The following THOC5 variants were observed in gnomAD, a reference collection of about 807,000 sequenced individuals.
THOC5 encodes the protein Fms-interacting protein.
A neutral mutation model predicts 92.9 loss-of-function variants in THOC5; 43 were observed. The observed-to-expected ratio is 0.46, with a 90% confidence interval of 0.36 to 0.60. The LOEUF is 0.60. THOC5 is among the 20% of genes least tolerant of loss of function. The pLI, the probability that THOC5 is intolerant of heterozygous loss-of-function variation, is 0.00. For missense variants in THOC5, 659 were observed against 849.4 expected, an observed-to-expected ratio of 0.78 and a Z score of 2.79; for synonymous variants, 296 against 320.1, an observed-to-expected ratio of 0.92 and a Z score of 0.80.
At position 29,512,118 on chromosome 22, in the gene THOC5, A is replaced by C; in HGVS notation, c.1700T>G (p.Val567Gly). 1 of 1,614,136 alleles carries C rather than the reference A, an allele frequency of 6.2e-7. No individual in the cohort carries two copies. Among genetic ancestry groups the C allele is most frequent in the Non-Finnish European group, 8.5e-7 (1 of 1,179,972 alleles). The change falls in exon 18 of 20, where the codon GTG becomes GGG. Residue 567 changes from valine (V) to glycine (G), a missense_variant. By Grantham distance (109) the Val-to-Gly change is moderately radical. Coordinates refer to ENST00000490103, the MANE Select transcript of THOC5 (RefSeq NM_003678.5). The part of the protein sequence containing the change: ...ERGTAKLQAA[V>G]VLNPGYSSIP... ...GGAGGAGTAGCCAGGGTTCAACACC[A>C]CAGCGGCCTGCAGTTTGGCTGGGAA...
chr22:29,535,581 T>C (rs989882233), intron 7 of THOC5, among the ~76,000 whole-genome samples: 2 of 152,214 alleles, frequency 1.3e-5, no homozygotes, highest in African/African-American at 2.4e-5. Flanking sequence ...AGTTATTCTG[T>C]CAGTGGTTCA....
chr22:29,520,714 T>C (rs531628422), intron 13 of THOC5, among the ~76,000 whole-genome samples: 1 of 152,358 alleles, frequency 6.6e-6, no homozygotes, highest in African/African-American at 2.4e-5. Context: ...CAGGCTGGTA[T>C]CGAACTCCTG....
chr22:29,532,104 A>C, intron 7 of THOC5, 141 bp from the exon 8 acceptor site: 27 of 998,652 alleles, frequency 2.7e-5, no homozygotes, highest in South Asian at 3.7e-5. Context: ...ATAAAAGCTC[A>C]ACGTAAACAA....
intron 18 of THOC5, chr22:29,511,516 T>C (rs1366501877): frequency 5.5e-6 from 3 of 540,656 alleles, no homozygotes; most frequent in Admixed American, 3.2e-5. Flanking sequence ...CCCTGCCTCA[T>C]ATGCCCACAG....
At chr22:29,549,027 G>A in intron 2 of THOC5, 25 bp downstream of exon 2, 4 of 1,610,272 alleles carry the variant, frequency 2.5e-6, no homozygotes, top group South Asian at 1.1e-5. Flanking sequence ...TTTCTCAGCA[G>A]CATGGCAACC....
intron 5 of THOC5, among the ~76,000 whole-genome samples, chr22:29,541,171 C>T (rs1370101649): frequency 1.3e-5 from 2 of 149,176 alleles, no homozygotes; most frequent in South Asian, 2.1e-4. Context: ...GGCAACAGAG[C>T]GAGACTTTAT....
At chr22:29,544,267 C>T (rs962113938) in intron 3 of THOC5, among the ~76,000 whole-genome samples, 193 bp downstream of exon 3, 2 of 152,166 alleles carry the variant, frequency 1.3e-5, no homozygotes, top group African/African-American at 4.8e-5. Flanking sequence ...CCTGTACTTT[C>T]ATTCCTGTAA....
chr22:29,539,614 G>A (rs573238707), intron 5 of THOC5, 138 bp from the exon 6 acceptor site: 14 of 887,414 alleles, frequency 1.6e-5, no homozygotes, highest in African/African-American at 5.0e-5. Flanking sequence ...CTCCACAAAT[G>A]CTCATTAGCA....
intron 19 of THOC5, among the ~76,000 whole-genome samples, chr22:29,510,524 A>G (rs111330383): frequency 6.6e-6 from 1 of 152,178 alleles, no homozygotes; most frequent in African/African-American, 2.4e-5. Flanking sequence ...TTTGAGCTCC[A>G]GAGGTCAAGA....
chr22:29,515,836 ATAAGT>A (rs1158499637), intron 17 of THOC5, among the ~76,000 whole-genome samples: 1 of 151,770 alleles, frequency 6.6e-6, no homozygotes, highest in African/African-American at 2.4e-5. Context: ...GTCTCAAAAA[ATAAGT>A]TAAATTAAAT....
At chr22:29,542,478 C>A (rs2063917422) in intron 5 of THOC5, among the ~76,000 whole-genome samples, 1 of 152,076 alleles carries the variant, frequency 6.6e-6, no homozygotes, top group Admixed American at 6.6e-5. Flanking sequence ...TAAAGAGAGA[C>A]TTAGGCTGGG....
At chr22:29,509,525 T>C (rs905348899) in intron 19 of THOC5, among the ~76,000 whole-genome samples, 6 of 152,088 alleles carry the variant, frequency 3.9e-5, no homozygotes, top group Non-Finnish European at 7.4e-5. Flanking sequence ...TATTATGAGA[T>C]AACATAATGA....
chr22:29,505,966 TCTC>T lies in THOC5; in HGVS notation c.*2488_*2490del, dbSNP rs1425334820. Reference sequence around the variant, plus strand: ...CCTCCGCCTCGGGGATTCAAGCAATTCTCCTGCCTCAGCCTCCCGAGTGGCTGG... The same window carrying T: ...CCTCCGCCTCGGGGATTCAAGCAATTCTGCCTCAGCCTCCCGAGTGGCTGG... On this transcript the variant is annotated 3_prime_UTR_variant, in exon 20 of 20. Transcript: ENST00000490103. 1 of 151,096 alleles carries T rather than the reference TCTC, an allele frequency of 6.6e-6. No homozygotes were observed. Among genetic ancestry groups the T allele is most frequent in the Admixed American group, 6.6e-5 (1 of 15,186 alleles). 9.4% of individuals were successfully genotyped at this position (151,096 alleles called of 1,614,324 possible). A position where few individuals can be genotyped will look rare whatever the true frequency, so the allele number is the denominator to read the frequency against.
chr22:29,509,993 T>C (rs1265389386), intron 19 of THOC5, among the ~76,000 whole-genome samples: 1 of 152,200 alleles, frequency 6.6e-6, no homozygotes, highest in Non-Finnish European at 1.5e-5. Context: ...AGATTATCAC[T>C]CTTCTTCCTT....
intron 8 of THOC5, among the ~76,000 whole-genome samples, chr22:29,529,660 C>T (rs1479412070): frequency 6.6e-6 from 1 of 152,224 alleles, no homozygotes; most frequent in Non-Finnish European, 1.5e-5. Context: ...CTCTATTCTA[C>T]ACTATACCAA....
intron 17 of THOC5, among the ~76,000 whole-genome samples, chr22:29,514,978 T>C (rs980707456): frequency 2.6e-5 from 4 of 151,806 alleles, no homozygotes; most frequent in South Asian, 2.1e-4. Context: ...GTGCTGGGAT[T>C]ACAGGCATGG....
intron 6 of THOC5, 65 bp downstream of exon 6, chr22:29,539,265 T>C: frequency 6.5e-7 from 1 of 1,547,624 alleles, no homozygotes; most frequent in Admixed American, 1.9e-5. Context: ...TTTGCTGCCT[T>C]ATCCTGGGTC....
intron 8 of THOC5, among the ~76,000 whole-genome samples, chr22:29,530,574 T>C (rs749966984): frequency 6.6e-6 from 1 of 152,156 alleles, no homozygotes; most frequent in South Asian, 2.1e-4. Context: ...TAATACATTA[T>C]AGCCATTTAT....
intron 15 of THOC5, among the ~76,000 whole-genome samples, chr22:29,518,732 G>T (rs750775914): frequency 2.0e-5 from 3 of 152,194 alleles, no homozygotes; most frequent in African/African-American, 7.2e-5. Flanking sequence ...AGGATGAACT[G>T]CCCCGACCAG....
Sources: gnomAD v4.1 joint callset for allele counts (sites outside exome capture counted in the v4.1 genomes callset) on GRCh38, gnomAD v4.1.1 for gene constraint, MANE v1.5 for transcripts, NCBI Gene and HGNC (gene_info 2026-07-23, HGNC 2026-07-21) for gene names.